Variants in POLR1B observed in about 807,000 individuals in gnomAD.
POLR1B encodes the protein DNA-directed RNA polymerase I subunit RPA2.
A neutral mutation model predicts 105.8 loss-of-function variants in POLR1B; 30 were observed. The observed-to-expected ratio is 0.28, with a 90% CI of 0.21 to 0.38. The LOEUF is 0.38. POLR1B is among the 10% of genes least tolerant of loss of function. The pLI is 1.00. For synonymous variants in POLR1B, 485 were observed against 505.1 expected (o/e 0.96, Z 0.53); for missense variants, 976 against 1,435.8 (o/e 0.68, Z 5.17).
Position 112,571,541 on chromosome 2 carries a change from G to A in POLR1B, c.2075-1021G>A, listed in dbSNP as rs968030465. ...ACTGGTACTTAACTTGGTGAACGTG[G>A]CAGTTGAAGTACATTCTTCAGCCTT... On this transcript the variant is annotated intron_variant, in intron 12 of 14. Coordinates refer to ENST00000263331, the MANE Select transcript of POLR1B (RefSeq NM_019014.6). Among the ~76,000 whole-genome samples the A allele has an allele frequency of 2.0e-5, 3 of 152,170 alleles. No individual in the cohort carries two copies. In the East Asian group the frequency reaches 5.8e-4, roughly 29 times the overall value.
intron 9 of POLR1B, among the ~76,000 whole-genome samples, chr2:112,562,593 A>G (rs555184819): frequency 6.6e-6 from 1 of 152,284 alleles, no homozygotes; most frequent in Admixed American, 6.5e-5. Flanking sequence ...GCTAAAAAAT[A>G]TTAAATCATC....
intron 9 of POLR1B, among the ~76,000 whole-genome samples, chr2:112,561,495 C>G (rs984869533): frequency 2.7e-5 from 4 of 150,808 alleles, no homozygotes; most frequent in African/African-American, 7.3e-5. Context: ...TCAGTTGATT[C>G]TCATTATTTG....
Position 112,575,562 on chromosome 2 carries a change from T to C in POLR1B, c.3241T>C (p.Leu1081=). The C allele has an allele frequency of 1.2e-6, 2 of 1,614,198 alleles. No homozygotes were observed. Among genetic ancestry groups the C allele is most frequent in the Non-Finnish European group, 1.7e-6 (2 of 1,180,042 alleles). The change falls in exon 15 of 15, where the codon TTG becomes CTG. Residue 1081 remains leucine, a synonymous_variant. Transcript: ENST00000263331. The surrounding 1 kb of genome is among the most constrained non-coding windows in gnomAD (Gnocchi z 5.3). The part of the protein sequence containing the change: ...VKCGSLLSPL[L]EKPPPSWSAM... ...GTGTGGCAGTTTACTCTCTCCACTG[T>C]TGGAGAAGCCACCCCCTTCTTGGTC...
At chr2:112,557,539 A>G (rs1242115950) in intron 7 of POLR1B, among the ~76,000 whole-genome samples, 1 of 152,248 alleles carries the variant, frequency 6.6e-6, no homozygotes, top group Non-Finnish European at 1.5e-5. Flanking sequence ...TACAGATTAC[A>G]TGGGAATAAA....
chr2:112,544,817 T>C (rs1038542481), intron 1 of POLR1B, among the ~76,000 whole-genome samples: 1 of 152,226 alleles, frequency 6.6e-6, no homozygotes, highest in Non-Finnish European at 1.5e-5. Context: ...TGGAGTGAAT[T>C]CCTCCTTTCT....
At chr2:112,550,677 A>G (rs1297178706) in intron 4 of POLR1B, 189 bp from the exon 5 acceptor site, 6 of 599,994 alleles carry the variant, frequency 1.0e-5, no homozygotes, top group African/African-American at 1.9e-5. Flanking sequence ...GTGTTTCTCA[A>G]TCTGGGTAGA....
At position 112,575,944 on chromosome 2, in the gene POLR1B, C is replaced by A; in HGVS notation, c.*215C>A. On this transcript the variant is annotated 3_prime_UTR_variant, in exon 15 of 15. Transcript: ENST00000263331. This position sits in a 1 kb window ranked among gnomAD's most constrained non-coding sequence, Gnocchi z 5.3. The stretch of plus-strand genomic sequence containing the variant: ...TTCTGTTATCTTTGTTCAAAAAGTT[C>A]ATGTCTTCTCAAAATATGAAATATT... The A allele has an allele frequency of 3.6e-6, 2 of 552,526 alleles. No individual in the cohort carries two copies. The highest frequency in any genetic ancestry group is 3.2e-6 in the Non-Finnish European group (1 of 314,712). The allele number at this position is 552,526 out of a possible 1,614,324, so 34.2% of individuals were successfully genotyped here.
upstream of POLR1B, chr2:112,542,384 A>G: frequency 1.9e-6 from 3 of 1,606,756 alleles, no homozygotes; most frequent in Non-Finnish European, 2.5e-6. Context: ...AGGGAACTAC[A>G]TTTCCCAGCA....
Position 112,568,727 on chromosome 2 carries a change from T to C in POLR1B, c.1918-19T>C, listed in dbSNP as rs1684433003. On this transcript the variant is annotated intron_variant, in intron 11 of 14. Coordinates refer to ENST00000263331, the MANE Select transcript of POLR1B (RefSeq NM_019014.6). ...AACCAGTTGCAGTTATTTTGTGCCTTGGACATCTGCTCTTCCAGATCTTCA... is the reference window on the plus strand; with the variant it reads ...AACCAGTTGCAGTTATTTTGTGCCTCGGACATCTGCTCTTCCAGATCTTCA... The C allele has an allele frequency of 6.2e-7, 1 of 1,612,646 alleles. No homozygotes were observed. Among genetic ancestry groups the C allele is most frequent in the Non-Finnish European group, 8.5e-7 (1 of 1,179,356 alleles).
chr2:112,565,862 A>G (rs1293845581), intron 10 of POLR1B, among the ~76,000 whole-genome samples: 1 of 152,050 alleles, frequency 6.6e-6, no homozygotes, highest in Non-Finnish European at 1.5e-5. Flanking sequence ...GAAAGTCCCA[A>G]TCCTCTAATC....
rs373607748 is a variant in POLR1B, at chr2:112,568,760, C to T, written c.1932C>T (p.Val644=). ...TGCTCTTCCAGATCTTCATGAATGT[C>T]GCTATCTTTGAGGATGAAGTTTTTG... ...IGTMEQIFMN[V]AIFEDEVFAG... The change falls in exon 12 of 15, where the codon GTC becomes GTT. Residue 644 remains valine (V), a synonymous_variant. Transcript: ENST00000263331. 1.7e-5 allele frequency: 28 copies of T among 1,613,952 alleles called. No homozygotes were observed. The East Asian group carries it at 2.0e-4, about 12-fold the overall frequency.
At chr2:112,570,370 C>T (rs997825043) in intron 12 of POLR1B, among the ~76,000 whole-genome samples, 1 of 152,136 alleles carries the variant, frequency 6.6e-6, no homozygotes, top group Non-Finnish European at 1.5e-5. Context: ...TTTTTATTGA[C>T]CTATTATCAC....
chr2:112,548,734 T>C (rs1192602169), intron 3 of POLR1B, among the ~76,000 whole-genome samples: 2 of 152,022 alleles, frequency 1.3e-5, no homozygotes, highest in Non-Finnish European at 2.9e-5. Flanking sequence ...TGCCTCAGCC[T>C]CCCGAGTAGC....
chr2:112,547,302 C>T, intron 2 of POLR1B, 119 bp from the exon 3 acceptor site: 1 of 1,486,350 alleles, frequency 6.7e-7, no homozygotes, highest in African/African-American at 1.4e-5. Flanking sequence ...ATCCCACCTT[C>T]TAAATCTAAG....
chr2:112,553,303 TC>T (rs892142513), intron 7 of POLR1B: 5 of 152,104 alleles, frequency 3.3e-5, no homozygotes, highest in African/African-American at 1.2e-4. Context: ...ATAAAGAGGG[TC>T]CTTTTTGAGG....
chr2:112,552,106 C>A, intron 6 of POLR1B, 108 bp downstream of exon 6: 1 of 864,322 alleles, frequency 1.2e-6, no homozygotes. Context: ...GAGAATGAAT[C>A]TTGGGGTAGA....
intron 12 of POLR1B, among the ~76,000 whole-genome samples, chr2:112,570,385 A>C (rs1684529363): frequency 6.6e-6 from 1 of 152,162 alleles, no homozygotes; most frequent in African/African-American, 2.4e-5. Context: ...TATCACAGTC[A>C]CTTTTTATTC....
upstream of POLR1B, chr2:112,542,079 C>T (rs1410465608): frequency 6.5e-7 from 1 of 1,532,370 alleles, no homozygotes; most frequent in Non-Finnish European, 8.7e-7. Flanking sequence ...CAGCGTGGGA[C>T]TGGGAACAGG....
In POLR1B at chr2:112,547,170, G is replaced by A. The variant is rs759475453; in HGVS notation, c.336G>A (p.Gly112=). 1 of 1,614,142 alleles carries A rather than the reference G, an allele frequency of 6.2e-7. No individual in the cohort carries two copies. The highest frequency in any genetic ancestry group is 1.1e-5 in the South Asian group (1 of 91,076). ...ECRGRRSTYR[G]KLTADINWAV... is the part of the protein sequence containing the mutation. ...GGGGCCGAAGGAGTACCTACCGTGG[G>A]AAGTTGACAGTGAGTACTAGTGATA... The change falls in exon 2 of 15, where the codon GGG becomes GGA. Residue 112 remains glycine (G), a synonymous_variant. Transcript: ENST00000263331.
Sources: gnomAD v4.1 joint callset for allele counts (sites outside exome capture counted in the v4.1 genomes callset) on GRCh38, gnomAD v4.1.1 for gene constraint, Gnocchi (gnomAD v3.1) non-coding constraint, MANE v1.5 for transcripts, NCBI Gene and HGNC (gene_info 2026-07-23, HGNC 2026-07-21) for gene names.